Variants in CLDN1 observed in about 807,000 individuals in gnomAD.
The protein encoded by CLDN1 is claudin 1, also known as claudin-1.
In CLDN1, 12 loss-of-function variants were observed where a neutral mutation model predicts 22.6. The ratio of observed to expected loss-of-function variants is 0.53; its 90% confidence interval spans 0.34 to 0.86. CLDN1 has a LOEUF of 0.86. Ranked by LOEUF, CLDN1 falls within the 40% of genes least tolerant of loss-of-function variation. CLDN1 has a pLI of 0.02. For synonymous variants in CLDN1, 99 were observed against 103.8 expected (o/e 0.95, Z 0.28); for missense variants, 250 against 269.5 (o/e 0.93, Z 0.51).
At position 190,312,940 on chromosome 3, in the gene CLDN1, C is replaced by G. The variant is rs1180601024; in HGVS notation, c.320G>C (p.Cys107Ser). 6.2e-7 allele frequency: 1 copy of G among 1,614,200 alleles called. No individual in the cohort carries two copies. Among genetic ancestry groups the G allele is most frequent in the South Asian group, 1.1e-5 (1 of 91,076 alleles). ...CTTCTGCACCTCATCGTCTTCCAAG[C>G]ACTTCATACACTTCATGCCAACGGT... ...VATVGMKCMK[C>S]LEDDEVQKMR... Residue 107 changes from cysteine (C) to serine (S), a missense_variant, in exon 2 of 4, where the codon TGC (cysteine) becomes TCC (serine). Coordinates refer to ENST00000295522, the MANE Select transcript of CLDN1 (RefSeq NM_021101.5).
At chr3:190,320,335 C>G (rs941025789) in intron 1 of CLDN1, among the ~76,000 whole-genome samples, 2 of 152,152 alleles carry the variant, frequency 1.3e-5, no homozygotes. Flanking sequence ...TCCTTAGAAA[C>G]CTCCACCTGC....
At chr3:190,319,717 T>C (rs1716867227) in intron 1 of CLDN1, among the ~76,000 whole-genome samples, 1 of 152,218 alleles carries the variant, frequency 6.6e-6, no homozygotes, top group African/African-American at 2.4e-5. Flanking sequence ...ATGCAGCTTT[T>C]TTCTGAGTGA....
Position 190,308,340 on chromosome 3 carries a change from G to C in CLDN1, c.573C>G (p.Thr191=), listed in dbSNP as rs754414724. 1 of 1,613,862 alleles carries C rather than the reference G, an allele frequency of 6.2e-7. No individual in the cohort carries two copies. ...LLCCSCPRKT[T]SYPTPRPYPK... ...GATAGGGCCTTGGTGTTGGGTAAGA[G>C]GTTGTTTTTCGGGGACAGGAACAGC... Residue 191 remains threonine, a synonymous_variant, in exon 4 of 4, where the codon ACC becomes ACG. Coordinates refer to ENST00000295522, the MANE Select transcript of CLDN1 (RefSeq NM_021101.5).
intron 1 of CLDN1, among the ~76,000 whole-genome samples, chr3:190,316,280 A>G (rs758010902): frequency 6.6e-6 from 1 of 152,230 alleles, no homozygotes; most frequent in Non-Finnish European, 1.5e-5. Flanking sequence ...CATCCTGGCA[A>G]CTATTGACTT....
At chr3:190,313,540 A>G (rs1251884704) in intron 1 of CLDN1, among the ~76,000 whole-genome samples, 2 of 152,220 alleles carry the variant, frequency 1.3e-5, no homozygotes, top group African/African-American at 4.8e-5. Context: ...GATAAAAAAT[A>G]AATGTTTTAT....
At chr3:190,311,993 G>C (rs1292702106) in intron 2 of CLDN1, among the ~76,000 whole-genome samples, 1 of 151,134 alleles carries the variant, frequency 6.6e-6, no homozygotes, top group Non-Finnish European at 1.5e-5. Flanking sequence ...TGTTGCTTAG[G>C]CTGGAGTGCA....
In CLDN1 at chr3:190,310,331, A is replaced by G. The variant is rs1447955234; in HGVS notation, c.389-78T>C. 39 of 1,093,206 alleles carry G rather than the reference A, an allele frequency of 3.6e-5. No homozygotes were observed. The East Asian group carries it at 9.3e-4, about 26-fold the overall frequency. 67.7% of individuals were successfully genotyped at this position (1,093,206 alleles called of 1,614,324 possible). A position where few individuals can be genotyped will look rare whatever the true frequency, so the allele number is the denominator to read the frequency against. On this transcript the variant is annotated intron_variant, in intron 2 of 3. Coordinates refer to ENST00000295522, the MANE Select transcript of CLDN1 (RefSeq NM_021101.5). ...AATACACAACCTGTTAAACCAAAAC[A>G]TATTTTGCAAGAATTAAATCTCATC...
At chr3:190,308,498 T>C (rs1716523118) in intron 3 of CLDN1, 59 bp from the exon 4 acceptor site, 5 of 1,503,988 alleles carry the variant, frequency 3.3e-6, no homozygotes, top group Non-Finnish European at 4.6e-6. Context: ...TTTTCTAATA[T>C]AATAAAAGGA....
chr3:190,319,885 C>T (rs913932101), intron 1 of CLDN1, among the ~76,000 whole-genome samples: 12 of 152,190 alleles, frequency 7.9e-5, no homozygotes, highest in African/African-American at 2.9e-4. Context: ...TGGGTTCTAT[C>T]CAAAAGCATC....
chr3:190,305,942 T>C lies in CLDN1; in HGVS notation c.*2335A>G, dbSNP rs140366759. 2.2e-4 allele frequency: 33 copies of C among 152,312 alleles called. 1 individual carries two copies. The highest frequency in any genetic ancestry group is 7.7e-4 in the African/African-American group (32 of 41,586). 9.4% of individuals were successfully genotyped at this position (152,312 alleles called of 1,614,324 possible). A position where few individuals can be genotyped will look rare whatever the true frequency, so the allele number is the denominator to read the frequency against. ...GAATTACACTCACACATCATGAAGA[T>C]CTATGTATGTGGCAAAAGCCATTTA... On this transcript the variant is annotated 3_prime_UTR_variant, in exon 4 of 4. Transcript: ENST00000295522.
intron 3 of CLDN1, among the ~76,000 whole-genome samples, chr3:190,309,757 A>AC (rs547049779): frequency 4.3e-4 from 66 of 152,310 alleles, no homozygotes; most frequent in African/African-American, 1.4e-3. Context: ...TTATTCATTA[A>AC]CCCCTATAGT....
Position 190,306,119 on chromosome 3 carries a change from T to C in CLDN1, c.*2158A>G, listed in dbSNP as rs909497786. 3.3e-5 allele frequency: 5 copies of C among 152,262 alleles called. No individual in the cohort carries two copies. Among genetic ancestry groups the C allele is most frequent in the Admixed American group, 6.5e-5 (1 of 15,290 alleles). 9.4% of individuals were successfully genotyped at this position (152,262 alleles called of 1,614,324 possible). A position where few individuals can be genotyped will look rare whatever the true frequency, so the allele number is the denominator to read the frequency against. On this transcript the variant is annotated 3_prime_UTR_variant, in exon 4 of 4. Transcript: ENST00000295522. ...AACTAACTATCCTAGCAGCGTCAGC[T>C]GCCAGCTAACAGCAAGAGCTCTGAG...
In CLDN1 at chr3:190,308,269, C is replaced by T; in HGVS notation, c.*8G>A. On this transcript the variant is annotated 3_prime_UTR_variant, in exon 4 of 4. Coordinates refer to ENST00000295522, the MANE Select transcript of CLDN1 (RefSeq NM_021101.5). ...GTTTCAACATGATTTTCTCCTTTTG[C>T]CTCTGTGTCACACGTAGTCTTTCCC... 1 of 1,613,574 alleles carries T rather than the reference C, an allele frequency of 6.2e-7. No homozygotes were observed. Among genetic ancestry groups the T allele is most frequent in the Non-Finnish European group, 8.5e-7 (1 of 1,179,712 alleles).
intron 1 of CLDN1, chr3:190,313,298 G>A: frequency 3.7e-5 from 17 of 454,632 alleles, no homozygotes; most frequent in South Asian, 1.0e-4. Flanking sequence ...AAAATCAACT[G>A]GAAAATTAAT....
chr3:190,308,952 AT>A (rs1716534707), intron 3 of CLDN1, among the ~76,000 whole-genome samples: 1 of 152,220 alleles, frequency 6.6e-6, no homozygotes, highest in South Asian at 2.1e-4. Context: ...CCCATGAACC[AT>A]TCTGGATTAA....
intron 3 of CLDN1, 28 bp downstream of exon 3, chr3:190,310,141 A>C (rs1217782723): frequency 1.3e-6 from 2 of 1,587,624 alleles, no homozygotes; most frequent in Admixed American, 3.3e-5. Context: ...CTCAGAAAAC[A>C]AACTATTTTA....
chr3:190,319,017 G>T (rs972906090), intron 1 of CLDN1, among the ~76,000 whole-genome samples: 1 of 152,070 alleles, frequency 6.6e-6, no homozygotes, highest in African/African-American at 2.4e-5. Flanking sequence ...CCTCCCATTT[G>T]TCTGGTGCTT....
In CLDN1 at chr3:190,317,812, G is replaced by A. The variant is rs55733412; in HGVS notation, c.223+4172C>T. Among the ~76,000 whole-genome samples, 832 of 152,244 alleles carry A rather than the reference G, an allele frequency of 5.5e-3. 8 individuals are homozygous for A. Among genetic ancestry groups the A allele is most frequent in the African/African-American group, 0.019 (785 of 41,546 alleles). On this transcript the variant is annotated intron_variant, in intron 1 of 3. Coordinates refer to ENST00000295522, the MANE Select transcript of CLDN1 (RefSeq NM_021101.5). ...ACTCTCAGATACTGTATTCTTGATC[G>A]GTATTGGTTGAAAGAAATCCACCTA...
intron 2 of CLDN1, among the ~76,000 whole-genome samples, chr3:190,311,433 C>T (rs907147157): frequency 5.3e-5 from 8 of 152,098 alleles, no homozygotes; most frequent in African/African-American, 1.9e-4. Flanking sequence ...TTTAAACTAA[C>T]CACATCTTTA....
Sources: gnomAD v4.1 joint callset for allele counts (sites outside exome capture counted in the v4.1 genomes callset) on GRCh38, gnomAD v4.1.1 for gene constraint, MANE v1.5 for transcripts, NCBI Gene and HGNC (gene_info 2026-07-23, HGNC 2026-07-21) for gene names.